BDP1: variants seen among roughly 807,000 people sequenced by gnomAD.
The protein encoded by BDP1 is BDP1 general transcription factor IIIB subunit, also known as transcription factor TFIIIB component B'' homolog.
BDP1 carries 169 observed loss-of-function variants against 266.6 expected under a neutral mutation model. The ratio of observed to expected loss-of-function variants is 0.63; its 90% CI spans 0.56 to 0.72. The LOEUF is 0.72. BDP1 is among the 30% of genes least tolerant of loss of function. BDP1 has a pLI of 0.00. For synonymous variants in BDP1, 1,090 were observed against 1,022.4 expected (o/e 1.07, Z -1.26); for missense variants, 3,015 against 3,053.8 (o/e 0.99, Z 0.30).
chr5:71,521,063 C>T (rs953145725), intron 22 of BDP1, among the ~76,000 whole-genome samples: 2 of 151,530 alleles, frequency 1.3e-5, no homozygotes, highest in Admixed American at 1.3e-4. Flanking sequence ...TGGCGCATGC[C>T]TGTAATCCCA....
At chr5:71,556,792 A>G (rs1249623234) in intron 35 of BDP1, 94 bp from the exon 36 acceptor site, 6 of 595,222 alleles carry the variant, frequency 1.0e-5, no homozygotes, top group Non-Finnish European at 1.4e-5. Context: ...GGGAGATAAC[A>G]TAGTTTCTTT....
chr5:71,578,026 A>G, the BDP1 span, among the ~76,000 whole-genome samples: 1 of 152,186 alleles, frequency 6.6e-6, no homozygotes, highest in Non-Finnish European at 1.5e-5. Flanking sequence ...AATGTGGGCA[A>G]ACTCGCTTCT....
rs1743759207 is a variant in BDP1 at position 71,562,650 on chromosome 5, C to T, written c.7743+130C>T. 1.9e-5 allele frequency: 28 copies of T among 1,473,404 alleles called. 1 individual carries two copies. In the South Asian group the frequency reaches 3.2e-4, roughly 17 times the overall value. 91.3% of individuals were successfully genotyped at this position (1,473,404 alleles called of 1,614,324 possible). ...TTATTTTAGAGCAACTCCCATCCTTCTCTCCATCGTGTTCCTCCATAATGG... is the reference window on the plus strand; with the variant it reads ...TTATTTTAGAGCAACTCCCATCCTTTTCTCCATCGTGTTCCTCCATAATGG... On this transcript the variant is annotated intron_variant, in intron 38 of 38. Coordinates refer to ENST00000358731, the MANE Select transcript of BDP1 (RefSeq NM_018429.3).
rs1327163308 is a variant in BDP1, at chr5:71,547,872, C to G, written c.6745-810C>G. 2.6e-5 allele frequency among the ~76,000 whole-genome samples: 4 copies of G among 152,090 alleles called. No individual in the cohort carries two copies. The South Asian group carries it at 8.3e-4, about 32-fold the overall frequency. ...CTGAGGCAGGAGAATTGCTCGGACC[C>G]AGGAGGCAGAGGGGCGGAGGTTGCA... On this transcript the variant is annotated intron_variant, in intron 32 of 38. Coordinates refer to ENST00000358731, the MANE Select transcript of BDP1 (RefSeq NM_018429.3).
chr5:71,530,287 T>G (rs1482686575), intron 25 of BDP1, among the ~76,000 whole-genome samples: 3 of 152,128 alleles, frequency 2.0e-5, no homozygotes, highest in Admixed American at 6.6e-5. Flanking sequence ...CAGGCTGGAG[T>G]GCAGTGGCAT....
rs1324347973 is a variant in BDP1, at chr5:71,551,077, TTTA to T, written c.6995+1480_6995+1482del. Among the ~76,000 whole-genome samples, 15 of 147,954 alleles carry T rather than the reference TTTA, an allele frequency of 1.0e-4. No individual in the cohort carries two copies. In the East Asian group the frequency reaches 2.4e-3, roughly 23 times the overall value. On this transcript the variant is annotated intron_variant, in intron 34 of 38. Coordinates refer to ENST00000358731, the MANE Select transcript of BDP1 (RefSeq NM_018429.3). ...AATACTATTAAATATTCAGATTTAT[TTTA>T]TTATTATTTTTTAGTTGTTTATTTA...
At chr5:71,575,560 T>A in the BDP1 span, among the ~76,000 whole-genome samples, 1,503 of 152,322 alleles carry the variant, frequency 9.9e-3, 26 homozygotes, top group African/African-American at 0.034. Flanking sequence ...AAAATTCAAC[T>A]GATGGGCACC....
At chr5:71,464,839 C>T (rs1431140324) in intron 4 of BDP1, among the ~76,000 whole-genome samples, 1 of 150,688 alleles carries the variant, frequency 6.6e-6, no homozygotes, top group Non-Finnish European at 1.5e-5. Flanking sequence ...CTGCCTCAGC[C>T]TCCCGAGCAG....
At position 71,461,857 on chromosome 5, in the gene BDP1, G is replaced by A; in HGVS notation, c.530G>A (p.Arg177Lys). Reference protein sequence around the residue: ...KNKYAINESQRPPDRSKMTMR... With the variant: ...KNKYAINESQKPPDRSKMTMR... ...AAATATGCTATAAATGAAAGTCAGA[G>A]GCCACCAGATCGTTCAAAAATGACT... is the stretch of plus-strand genomic sequence containing the variant. Residue 177 changes from arginine to lysine, a missense_variant, in exon 3 of 39, where the codon AGG (arginine) becomes AAG (lysine). Around this residue, in one of 3 missense-constraint regions of BDP1, gnomAD observed 2,383 missense variants for 2,404.9 expected, o/e 0.99. Transcript: ENST00000358731. The A allele has an allele frequency of 6.2e-7, 1 of 1,608,662 alleles. No individual in the cohort carries two copies. The highest frequency in any genetic ancestry group is 8.5e-7 in the Non-Finnish European group (1 of 1,176,718).
At chr5:71,494,115 C>T (rs1763743743) in intron 11 of BDP1, among the ~76,000 whole-genome samples, 1 of 152,036 alleles carries the variant, frequency 6.6e-6, no homozygotes, top group South Asian at 2.1e-4. Flanking sequence ...GTTAACAAAT[C>T]CTCCATAAAG....
chr5:71,569,450 A>G (rs577226764), downstream of BDP1, among the ~76,000 whole-genome samples: 3 of 152,134 alleles, frequency 2.0e-5, no homozygotes, highest in Admixed American at 1.3e-4. Context: ...GCTAAAAAAC[A>G]TTAAAAAATA....
At chr5:71,519,997 A>G (rs772916722) in intron 22 of BDP1, among the ~76,000 whole-genome samples, 2 of 152,182 alleles carry the variant, frequency 1.3e-5, no homozygotes, top group Non-Finnish European at 1.5e-5. Context: ...TCTTTTTAAC[A>G]GTAGCCATTT....
At chr5:71,520,901 A>C (rs1765457036) in intron 22 of BDP1, among the ~76,000 whole-genome samples, 1 of 152,162 alleles carries the variant, frequency 6.6e-6, no homozygotes, top group African/African-American at 2.4e-5. Flanking sequence ...GAAAGGGTGC[A>C]TTGAAGGCCG....
chr5:71,517,815 C>T (rs1280429758), intron 22 of BDP1, among the ~76,000 whole-genome samples: 1 of 152,072 alleles, frequency 6.6e-6, no homozygotes, highest in Non-Finnish European at 1.5e-5. Context: ...TGTAATCTCC[C>T]AGCACTTTGG....
At chr5:71,543,956 C>A (rs1197810995) in intron 30 of BDP1, among the ~76,000 whole-genome samples, 1 of 152,152 alleles carries the variant, frequency 6.6e-6, no homozygotes, top group Non-Finnish European at 1.5e-5. Flanking sequence ...ATATAGAAGT[C>A]TTTTTTTCCC....
At chr5:71,499,162 T>A (rs1764077666) in intron 13 of BDP1, among the ~76,000 whole-genome samples, 1 of 152,190 alleles carries the variant, frequency 6.6e-6, no homozygotes, top group Non-Finnish European at 1.5e-5. Context: ...TGCGATGGCG[T>A]GATCTCGGCT....
downstream of BDP1, among the ~76,000 whole-genome samples, chr5:71,569,442 T>TA (rs960263163): frequency 2.0e-5 from 3 of 151,418 alleles, no homozygotes; most frequent in African/African-American, 4.9e-5. Context: ...ACCCTGTTGC[T>TA]AAAAAACATT....
chr5:71,463,829 T>TAA (rs5868597), intron 3 of BDP1, among the ~76,000 whole-genome samples: 1 of 144,438 alleles, frequency 6.9e-6, no homozygotes. Flanking sequence ...GTTGTTGTAT[T>TAA]AAAAAAAAAA....
intron 25 of BDP1, 150 bp downstream of exon 25, chr5:71,524,473 C>G: frequency 1.2e-6 from 1 of 861,286 alleles, no homozygotes; most frequent in Non-Finnish European, 1.7e-6. Context: ...AATTTGGGGC[C>G]TTGTATAACC....
Sources: allele counts gnomAD v4.1 joint callset (sites outside exome capture counted in the v4.1 genomes callset), GRCh38; gene constraint gnomAD v4.1.1; regional missense constraint gnomAD v4.1.1; transcripts MANE v1.5; gene names NCBI Gene and HGNC (gene_info 2026-07-23, HGNC 2026-07-21).